The following PLCG2 variants were observed in gnomAD, a reference collection of about 807,000 sequenced individuals.
PLCG2 encodes 1-phosphatidylinositol 4,5-bisphosphate phosphodiesterase gamma-2.
Under a neutral mutation model 175.6 loss-of-function variants are expected in PLCG2, and 69 were observed. The observed-to-expected ratio is 0.39, with a 90% CI of 0.32 to 0.48. PLCG2 has a LOEUF of 0.48. PLCG2 is among the 20% of genes least tolerant of loss of function. The pLI, the probability that PLCG2 is intolerant of heterozygous loss-of-function variation, is 0.91. For synonymous variants in PLCG2, 827 were observed against 624.0 expected, an observed-to-expected ratio of 1.33 and a Z score of -4.85; for missense variants, 1,798 against 1,650.9, an observed-to-expected ratio of 1.09 and a Z score of -1.54.
chr16:81,764,733 G>T (rs764935156), intron 2 of PLCG2, among the ~76,000 whole-genome samples: 4 of 152,164 alleles, frequency 2.6e-5, no homozygotes, highest in Non-Finnish European at 4.4e-5. Flanking sequence ...AGCTGTATTT[G>T]GAAAGAGGGT....
chr16:81,765,828 C>T (rs12933857), intron 2 of PLCG2, among the ~76,000 whole-genome samples: 1 of 151,832 alleles, frequency 6.6e-6, no homozygotes, highest in Non-Finnish European at 1.5e-5. Context: ...ATGCAAAAGC[C>T]CAGTCTATGT....
At chr16:81,918,412 C>T (rs539868234) in intron 19 of PLCG2, among the ~76,000 whole-genome samples, 6 of 152,078 alleles carry the variant, frequency 3.9e-5, no homozygotes, top group East Asian at 1.9e-4. Flanking sequence ...TTTCTTCTTT[C>T]GAAATTGCTA....
intron 9 of PLCG2, among the ~76,000 whole-genome samples, chr16:81,884,798 G>A (rs1012692688): frequency 1.3e-5 from 2 of 152,026 alleles, no homozygotes; most frequent in Admixed American, 6.6e-5. Flanking sequence ...TTGTCTTGCA[G>A]AACATTTCAA....
intron 2 of PLCG2, among the ~76,000 whole-genome samples, chr16:81,821,913 A>G (rs1285472090): frequency 6.6e-6 from 1 of 151,870 alleles, no homozygotes; most frequent in Non-Finnish European, 1.5e-5. Context: ...AGAGCCAGAC[A>G]GGCCTGGGGT....
Position 81,946,219 on chromosome 16 carries a change from G to A in PLCG2, c.3526G>A (p.Glu1176Lys). The A allele has an allele frequency of 6.2e-7, 1 of 1,614,006 alleles. No individual in the cohort carries two copies. The highest frequency in any genetic ancestry group is 8.5e-7 in the Non-Finnish European group (1 of 1,179,874). Residue 1176 changes from glutamate to lysine, a missense_variant, in exon 31 of 33, where the codon GAG becomes AAG. Glu to Lys is a moderately conservative substitution (Grantham distance 56, BLOSUM62 1). Transcript: ENST00000564138. ...PLKNGYSEDI[E>K]LASLLVFCEM... ...GAAGAATGGGTACAGCGAGGACATA[G>A]AGCTGGCTTCCCTCCTGGTTTTCTG...
At position 81,907,713 on chromosome 16, in the gene PLCG2, C is replaced by G. The variant is rs1909437262; in HGVS notation, c.1496C>G (p.Ala499Gly). 6.2e-7 allele frequency: 1 copy of G among 1,613,874 alleles called. No individual in the cohort carries two copies. Among genetic ancestry groups the G allele is most frequent in the East Asian group, 2.2e-5 (1 of 44,878 alleles). Residue 499 changes from alanine (A) to glycine (G), a missense_variant, in exon 16 of 33, where the codon GCC becomes GGC. Coordinates refer to ENST00000564138, the MANE Select transcript of PLCG2 (RefSeq NM_002661.5). ...QKWTRHYCAI[A>G]DAKLSFSDDI... ...TGGACTCGGCACTACTGCGCCATTG[C>G]CGATGCCAAGCTGTCCTTCAGTGAT... is the stretch of plus-strand genomic sequence containing the variant.
At chr16:81,919,779 G>T in intron 20 of PLCG2, 115 bp downstream of exon 20, 3 of 793,734 alleles carry the variant, frequency 3.8e-6, no homozygotes, top group Non-Finnish European at 6.1e-6. Context: ...TACTGCTGTA[G>T]GTCCTGGGGA....
intron 2 of PLCG2, among the ~76,000 whole-genome samples, chr16:81,847,511 G>A (rs545732934): frequency 1.3e-5 from 2 of 152,186 alleles, no homozygotes; most frequent in East Asian, 3.9e-4. Context: ...GAGGTATCTA[G>A]GAGCCCCCAG....
intron 2 of PLCG2, among the ~76,000 whole-genome samples, chr16:81,821,172 G>A (rs1386398950): frequency 4.6e-5 from 7 of 152,224 alleles, no homozygotes; most frequent in East Asian, 1.9e-4. Context: ...GATTACAGGC[G>A]TGCGTGAGCC....
rs1910288310 is a variant in PLCG2 at position 81,926,677 on chromosome 16, C to T, written c.2418-405C>T. 3.3e-5 allele frequency among the ~76,000 whole-genome samples: 5 copies of T among 152,290 alleles called. No homozygotes were observed. The South Asian group carries it at 1.0e-3, about 32-fold the overall frequency. ...ATGGAGAGTTGGAGGCACAGAAAGC[C>T]TCCACCGTCAGTGGTAGAGCTGGAG... On this transcript the variant is annotated intron_variant, in intron 22 of 32. Coordinates refer to ENST00000564138, the MANE Select transcript of PLCG2 (RefSeq NM_002661.5).
intron 1 of PLCG2, among the ~76,000 whole-genome samples, chr16:81,748,172 G>T (rs970662589): frequency 1.4e-4 from 22 of 152,084 alleles, no homozygotes; most frequent in African/African-American, 4.6e-4. Flanking sequence ...ACCGCACCCG[G>T]CCAAGGCCCT....
chr16:81,843,729 G>T (rs1905957426), intron 2 of PLCG2, among the ~76,000 whole-genome samples: 1 of 152,160 alleles, frequency 6.6e-6, no homozygotes, highest in Non-Finnish European at 1.5e-5. Context: ...AAAAAACAAT[G>T]AAATGATCTG....
chr16:81,894,699 C>G (rs865852309), intron 12 of PLCG2, among the ~76,000 whole-genome samples: 5 of 152,184 alleles, frequency 3.3e-5, no homozygotes, highest in Middle Eastern at 3.4e-3. Flanking sequence ...ATGGCGAAAC[C>G]CTTTCTCTAC....
chr16:81,850,874 G>A (rs978721231), intron 2 of PLCG2, among the ~76,000 whole-genome samples: 2 of 152,170 alleles, frequency 1.3e-5, no homozygotes, highest in Non-Finnish European at 2.9e-5. Flanking sequence ...GCGGGCAATA[G>A]GGTTAACTCC....
intron 31 of PLCG2, among the ~76,000 whole-genome samples, chr16:81,952,492 C>T (rs1911406900): frequency 6.6e-6 from 1 of 151,978 alleles, no homozygotes. Context: ...ATAAAAAGGA[C>T]CTGGAGCATC....
chr16:81,868,862 C>A (rs1005601041), intron 5 of PLCG2, among the ~76,000 whole-genome samples: 1 of 152,212 alleles, frequency 6.6e-6, no homozygotes, highest in Non-Finnish European at 1.5e-5. Context: ...TACTGGGGAT[C>A]TCCAGTGTAG....
chr16:81,784,911 GCAGAATGAGGGAATGGTA>G, intron 1 of PLCG2, among the ~76,000 whole-genome samples: 1 of 152,202 alleles, frequency 6.6e-6, no homozygotes, highest in South Asian at 2.1e-4. Flanking sequence ...GATTTGGGAG[GCAGAATGAGGGAATGGTA>G]CAGAGTGAGG....
chr16:81,813,611 G>C lies in PLCG2; in HGVS notation c.193+27429G>C, dbSNP rs535770440. Among the ~76,000 whole-genome samples, 6 of 152,344 alleles carry C rather than the reference G, an allele frequency of 3.9e-5. No individual in the cohort carries two copies. The East Asian group carries it at 1.2e-3, about 29-fold the overall frequency. On this transcript the variant is annotated intron_variant, in intron 2 of 32. Transcript: ENST00000564138. ...CAGGAGCTTAAAACAACAATTCTGT[G>C]GGTCAGGAATTTGGGCAGAGCTCAG...
intron 13 of PLCG2, among the ~76,000 whole-genome samples, chr16:81,899,187 C>G (rs912218067): frequency 6.7e-6 from 1 of 150,154 alleles, no homozygotes; most frequent in South Asian, 2.1e-4. Context: ...AACTCCATTT[C>G]CAAAAGAAAA....
Sources: allele counts gnomAD v4.1 joint callset (sites outside exome capture counted in the v4.1 genomes callset), GRCh38; gene constraint gnomAD v4.1.1; transcripts MANE v1.5; gene names NCBI Gene and HGNC (gene_info 2026-07-23, HGNC 2026-07-21).